Variants in CHN1 observed in about 807,000 individuals in gnomAD.
CHN1 encodes chimerin 1.
Under a neutral mutation model 59.5 loss-of-function variants are expected in CHN1, and 37 were observed. The observed-to-expected ratio is 0.62, with a 90% confidence interval of 0.48 to 0.82. CHN1 has a LOEUF of 0.82. Ranked by LOEUF, CHN1 falls within the 40% of genes least tolerant of loss-of-function variation. CHN1 has a pLI of 0.00. For missense variants in CHN1, 469 were observed against 571.0 expected (o/e 0.82, Z 1.82); for synonymous variants, 206 against 200.4 (o/e 1.03, Z -0.24).
chr2:174,995,900 A>T (rs1264380270), intron 1 of CHN1, among the ~76,000 whole-genome samples: 2 of 152,222 alleles, frequency 1.3e-5, no homozygotes, highest in Non-Finnish European at 2.9e-5. Flanking sequence ...ATTTTACTTA[A>T]CAGTGGCCCC....
chr2:174,932,296 C>T (rs1689373058), intron 3 of CHN1, among the ~76,000 whole-genome samples: 1 of 152,122 alleles, frequency 6.6e-6, no homozygotes, highest in Admixed American at 6.6e-5. Context: ...ATCCATATCC[C>T]CTCCATTTTG....
intron 5 of CHN1, among the ~76,000 whole-genome samples, chr2:174,903,626 CAG>C (rs1191997389): frequency 2.6e-5 from 4 of 151,880 alleles, no homozygotes; most frequent in Non-Finnish European, 1.5e-5. Context: ...GCTTTTATAA[CAG>C]AAATATAATA....
At chr2:174,884,581 A>G (rs1687837041) in intron 5 of CHN1, among the ~76,000 whole-genome samples, 1 of 152,172 alleles carries the variant, frequency 6.6e-6, no homozygotes, top group South Asian at 2.1e-4. Flanking sequence ...ATATATACAT[A>G]CCCTACAACA....
chr2:174,959,961 A>C (rs13011533), intron 1 of CHN1, among the ~76,000 whole-genome samples: 6,841 of 152,258 alleles, frequency 0.045, 213 homozygotes, highest in African/African-American at 0.084. Flanking sequence ...GGCTGGTCTT[A>C]AATGCTGAGA....
chr2:174,974,642 C>T (rs1273786017), intron 1 of CHN1, among the ~76,000 whole-genome samples: 1 of 151,810 alleles, frequency 6.6e-6, no homozygotes, highest in African/African-American at 2.4e-5. Flanking sequence ...AAAGTCAAGG[C>T]AAATATGCTA....
At position 174,824,323 on chromosome 2, in the gene CHN1, G is replaced by C. The variant is rs1685609283; in HGVS notation, c.712+111C>G. The C allele has an allele frequency of 4.0e-6, 3 of 741,190 alleles. No homozygotes were observed. The African/African-American group carries it at 5.3e-5, about 13-fold the overall frequency. The allele number at this position is 741,190 out of a possible 1,614,324, so 45.9% of individuals were successfully genotyped here. ...AATCTGGCCTACTGCATGTGCATAA[G>C]ACCAAACCAGGATCCAGCCTACTGG... is the stretch of plus-strand genomic sequence containing the variant. On this transcript the variant is annotated intron_variant, in intron 8 of 12. Transcript: ENST00000409900.
intron 5 of CHN1, among the ~76,000 whole-genome samples, chr2:174,909,251 T>A (rs967988487): frequency 3.3e-5 from 5 of 152,220 alleles, no homozygotes; most frequent in African/African-American, 1.2e-4. Flanking sequence ...CTAACTGGTA[T>A]ACACGTTCCC....
intron 6 of CHN1, among the ~76,000 whole-genome samples, chr2:174,857,591 C>T (rs947960534): frequency 5.3e-5 from 8 of 152,076 alleles, no homozygotes; most frequent in Non-Finnish European, 1.2e-4. Flanking sequence ...TGTTTGGTTA[C>T]CAGGAATGAT....
intron 1 of CHN1, among the ~76,000 whole-genome samples, chr2:175,001,601 A>C (rs1691890128): frequency 2.0e-5 from 3 of 152,212 alleles, no homozygotes; most frequent in Admixed American, 2.0e-4. Flanking sequence ...CTAAATGGTA[A>C]CAAGAATAAG....
At chr2:174,945,216 TG>T in intron 2 of CHN1, 1 of 478,240 alleles carries the variant, frequency 2.1e-6, no homozygotes, top group Non-Finnish European at 4.1e-6. Flanking sequence ...CTCCATAATC[TG>T]GTCATTTATT....
chr2:175,001,851 A>G (rs1167628947), intron 1 of CHN1, among the ~76,000 whole-genome samples: 3 of 152,206 alleles, frequency 2.0e-5, no homozygotes, highest in Non-Finnish European at 1.5e-5. Flanking sequence ...GCCAATCAGG[A>G]CATTTTGTCA....
intron 4 of CHN1, among the ~76,000 whole-genome samples, chr2:174,917,007 C>T (rs921439157): frequency 6.6e-6 from 1 of 152,222 alleles, no homozygotes; most frequent in Non-Finnish European, 1.5e-5. Flanking sequence ...GCCTGGCCAA[C>T]ATGGTGAAAC....
chr2:174,970,372 AG>A (rs1225933924), intron 1 of CHN1, among the ~76,000 whole-genome samples: 1 of 152,228 alleles, frequency 6.6e-6, no homozygotes, highest in Non-Finnish European at 1.5e-5. Context: ...TATTTACTCC[AG>A]AATAAGCAAA....
At chr2:174,925,980 T>C (rs917314235) in intron 3 of CHN1, among the ~76,000 whole-genome samples, 7 of 152,340 alleles carry the variant, frequency 4.6e-5, no homozygotes, top group Middle Eastern at 3.4e-3. Flanking sequence ...GTTTTTCTGT[T>C]AACAATAGCA....
intron 7 of CHN1, among the ~76,000 whole-genome samples, chr2:174,830,148 G>A (rs1574065129): frequency 6.6e-6 from 1 of 152,006 alleles, no homozygotes. Context: ...CAGGAGAATG[G>A]CATGAACCCA....
At chr2:174,890,559 A>C (rs1164203871) in intron 5 of CHN1, among the ~76,000 whole-genome samples, 1 of 152,068 alleles carries the variant, frequency 6.6e-6, no homozygotes, top group Non-Finnish European at 1.5e-5. Flanking sequence ...ATATATACGC[A>C]CCTATTAGAG....
At chr2:174,930,024 T>C (rs1250707692) in intron 3 of CHN1, among the ~76,000 whole-genome samples, 1 of 152,354 alleles carries the variant, frequency 6.6e-6, no homozygotes, top group African/African-American at 2.4e-5. Flanking sequence ...TGGTCATGGA[T>C]GCGTATAGTT....
chr2:174,848,721 AATT>A (rs1240092033), intron 6 of CHN1, among the ~76,000 whole-genome samples: 1 of 152,116 alleles, frequency 6.6e-6, no homozygotes, highest in Non-Finnish European at 1.5e-5. Flanking sequence ...AACATCCCTA[AATT>A]ATTTTTGTTT....
At chr2:174,965,666 GA>G in intron 1 of CHN1, among the ~76,000 whole-genome samples, 1 of 152,088 alleles carries the variant, frequency 6.6e-6, no homozygotes, top group Non-Finnish European at 1.5e-5. Context: ...TTATTAGCAA[GA>G]AAAAAGACCA....
Sources: allele counts gnomAD v4.1 joint callset (sites outside exome capture counted in the v4.1 genomes callset), GRCh38; gene constraint gnomAD v4.1.1; transcripts MANE v1.5; gene names NCBI Gene and HGNC (gene_info 2026-07-23, HGNC 2026-07-21).